Variants in AFP observed in about 807,000 individuals in gnomAD.
AFP encodes the protein alpha fetoprotein.
AFP carries 64 observed loss-of-function variants against 78.9 expected under a neutral mutation model. The observed-to-expected ratio is 0.81, with a 90% confidence interval of 0.66 to 1.00. The LOEUF (loss-of-function observed/expected upper bound fraction) is 1.00. Ranked by LOEUF, AFP falls within the 50% of genes least tolerant of loss-of-function variation. The probability of loss-of-function intolerance (pLI) is 0.00; values close to 1 mark genes in which losing one functional copy is unlikely to be tolerated. For missense variants in AFP, 689 were observed against 703.8 expected (o/e 0.98, Z 0.24); for synonymous variants, 254 against 243.8 (o/e 1.04, Z -0.39).
chr4:73,442,564 T>A, intron 5 of AFP, 136 bp downstream of exon 5: 1 of 1,053,240 alleles, frequency 9.5e-7, no homozygotes, highest in Non-Finnish European at 1.4e-6. Flanking sequence ...AGCAGTCTGA[T>A]ATTCTTCGAG....
chr4:73,453,500 A>G (rs1015556577), intron 12 of AFP: 2 of 413,364 alleles, frequency 4.8e-6, no homozygotes, highest in African/African-American at 2.0e-5. Context: ...ATGAGGGGAG[A>G]TTGCCTTCCA....
At chr4:73,445,893 G>C (rs991419403) in intron 7 of AFP, among the ~76,000 whole-genome samples, 6 of 152,154 alleles carry the variant, frequency 3.9e-5, no homozygotes, top group Non-Finnish European at 5.9e-5. Context: ...TTTTACAAGA[G>C]AGGACTGTTG....
intron 11 of AFP, among the ~76,000 whole-genome samples, chr4:73,451,730 C>T (rs1719998319): frequency 6.6e-6 from 1 of 152,140 alleles, no homozygotes; most frequent in Non-Finnish European, 1.5e-5. Flanking sequence ...CAAATTATAC[C>T]ACCCTCATAC....
At chr4:73,452,323 G>A in intron 11 of AFP, 78 bp from the exon 12 acceptor site, 3 of 1,125,238 alleles carry the variant, frequency 2.7e-6, no homozygotes, top group South Asian at 1.3e-5. Flanking sequence ...AATTATTGCA[G>A]CAGTTTTCTG....
intron 3 of AFP, among the ~76,000 whole-genome samples, chr4:73,440,221 C>T (rs1405571850): frequency 1.3e-5 from 2 of 152,118 alleles, no homozygotes. Flanking sequence ...CTGCACTCCA[C>T]TCCCTGACAG....
At chr4:73,447,415 T>C in intron 7 of AFP, 47 bp from the exon 8 acceptor site, 3 of 1,423,442 alleles carry the variant, frequency 2.1e-6, no homozygotes, top group Non-Finnish European at 1.9e-6. Flanking sequence ...AGATCCTTTA[T>C]TAAAGAATAA....
chr4:73,454,715 A>G (rs550997885), intron 13 of AFP, among the ~76,000 whole-genome samples: 17 of 152,300 alleles, frequency 1.1e-4, no homozygotes, highest in South Asian at 6.2e-4. Flanking sequence ...GAGTTTTTCT[A>G]TAAATAATAT....
At chr4:73,444,677 T>C (rs1719766705) in intron 6 of AFP, among the ~76,000 whole-genome samples, 1 of 152,210 alleles carries the variant, frequency 6.6e-6, no homozygotes, top group Non-Finnish European at 1.5e-5. Flanking sequence ...TTTTAAAGTT[T>C]TATGTCCACT....
At chr4:73,453,730 AC>A in intron 12 of AFP, 34 bp from the exon 13 acceptor site, 1 of 1,609,424 alleles carries the variant, frequency 6.2e-7, no homozygotes, top group South Asian at 1.1e-5. Flanking sequence ...TGCATAACAG[AC>A]TTCTCTTGTA....
chr4:73,443,879 G>A (rs1577954400), intron 6 of AFP, among the ~76,000 whole-genome samples: 1 of 151,900 alleles, frequency 6.6e-6, no homozygotes, highest in Admixed American at 6.5e-5. Flanking sequence ...GCTCTTTATA[G>A]CATTTATTGC....
Position 73,450,630 on chromosome 4 carries a change from C to T in AFP, c.1305C>T (p.Tyr435=), listed in dbSNP as rs1719964962. 6.2e-7 allele frequency: 1 copy of T among 1,614,030 alleles called. No homozygotes were observed. Among genetic ancestry groups the T allele is most frequent in the Admixed American group, 1.7e-5 (1 of 59,992 alleles). Residue 435 remains tyrosine (Y), a synonymous_variant, in exon 11 of 15, where the codon TAC becomes TAT. Coordinates refer to ENST00000395792, the MANE Select transcript of AFP (RefSeq NM_001134.3). ...YYLQNAFLVA[Y]TKKAPQLTSS... is the part of the protein sequence containing the mutation. ...CTTCTTTCAGGTTTCTCGTTGCTTACACAAAGAAAGCCCCCCAGCTGACCT... is the reference window on the plus strand; with the variant it reads ...CTTCTTTCAGGTTTCTCGTTGCTTATACAAAGAAAGCCCCCCAGCTGACCT...
chr4:73,454,812 T>C (rs1182804217), intron 13 of AFP, among the ~76,000 whole-genome samples: 3 of 152,066 alleles, frequency 2.0e-5, no homozygotes, highest in African/African-American at 7.2e-5. Context: ...GATAACCAAA[T>C]TAGATAAAAC....
At chr4:73,437,021 A>G (rs945702389) in intron 1 of AFP, 139 bp from the exon 2 acceptor site, 1 of 676,264 alleles carries the variant, frequency 1.5e-6, no homozygotes, top group Admixed American at 2.6e-5. Flanking sequence ...TAAAATTAAG[A>G]TGCTTAGGTT....
intron 9 of AFP, 49 bp from the exon 10 acceptor site, chr4:73,449,987 A>G (rs933928048): frequency 2.5e-6 from 3 of 1,213,808 alleles, no homozygotes; most frequent in South Asian, 1.3e-5. Flanking sequence ...ATACAAAGTT[A>G]TGCATCCAAG....
At chr4:73,450,456 A>G (rs1477716942) in intron 10 of AFP, 159 bp from the exon 11 acceptor site, 12 of 953,888 alleles carry the variant, frequency 1.3e-5, no homozygotes, top group Non-Finnish European at 1.9e-5. Flanking sequence ...TTGTTAGAGT[A>G]AATGCATCTC....
chr4:73,437,765 GGTTT>G (rs1719548676), intron 2 of AFP, among the ~76,000 whole-genome samples: 1 of 151,892 alleles, frequency 6.6e-6, no homozygotes, highest in Non-Finnish European at 1.5e-5. Context: ...TGTAGTCTTG[GGTTT>G]TAGACCTTGA....
At chr4:73,437,292 T>G (rs1301058740) in intron 2 of AFP, 81 bp downstream of exon 2, 6 of 1,178,130 alleles carry the variant, frequency 5.1e-6, no homozygotes, top group Non-Finnish European at 7.5e-6. Flanking sequence ...GGTACCCCTG[T>G]GAGCTCTTAA....
Position 73,447,449 on chromosome 4 carries a change from T to C in AFP, c.844-13T>C, listed in dbSNP as rs766870141. ...AAATCTTTAAAACTTATACTTTATT[T>C]TCTCTGTTGCAGGAAAAAATCATGT... On this transcript the variant is annotated splice_polypyrimidine_tract_variant and intron_variant, in intron 7 of 14. Transcript: ENST00000395792. 9 of 1,573,386 alleles carry C rather than the reference T, an allele frequency of 5.7e-6. No homozygotes were observed. In the Admixed American group the frequency reaches 1.6e-4, roughly 27 times the overall value.
rs1432756735 is a variant in AFP, at chr4:73,452,464, G to A, written c.1492G>A (p.Gly498Ser). ...AATGACTCCAGTAAACCCTGGTGTT[G>A]GCCAGTGCTGCACTTCTTCATATGC... ...HEMTPVNPGV[G>S]QCCTSSYANR... The change falls in exon 12 of 15, where the codon GGC becomes AGC. Residue 498 changes from glycine to serine, a missense_variant. Physicochemically the swap from Gly to Ser is moderately conservative, Grantham distance 56. Coordinates refer to ENST00000395792, the MANE Select transcript of AFP (RefSeq NM_001134.3). 1 of 1,614,056 alleles carries A rather than the reference G, an allele frequency of 6.2e-7. No homozygotes were observed. Among genetic ancestry groups the A allele is most frequent in the South Asian group, 1.1e-5 (1 of 91,076 alleles).
Sources: gnomAD v4.1 joint callset for allele counts (sites outside exome capture counted in the v4.1 genomes callset) on GRCh38, gnomAD v4.1.1 for gene constraint, MANE v1.5 for transcripts, NCBI Gene and HGNC (gene_info 2026-07-23, HGNC 2026-07-21) for gene names.